DLGAP1: variants seen among roughly 807,000 people sequenced by gnomAD.
DLGAP1 encodes DLG associated protein 1.
A neutral mutation model predicts 90.8 loss-of-function variants in DLGAP1; 11 were observed. That is an observed-to-expected ratio of 0.12 (90% CI 0.08 to 0.20). The LOEUF (loss-of-function observed/expected upper bound fraction) is 0.20. Ranked by LOEUF, DLGAP1 falls within the 10% of genes least tolerant of loss-of-function variation. The pLI, the probability that DLGAP1 is intolerant of heterozygous loss-of-function variation, is 1.00. For synonymous variants in DLGAP1, 558 were observed against 540.7 expected (o/e 1.03, Z -0.44); for missense variants, 1,050 against 1,333.8 (o/e 0.79, Z 3.31).
intron 2 of DLGAP1, among the ~76,000 whole-genome samples, chr18:4,060,732 A>G (rs985568342): frequency 3.3e-5 from 5 of 152,234 alleles, no homozygotes; most frequent in African/African-American, 4.8e-5. Flanking sequence ...CTCGTAAGGA[A>G]GATTATAAAT....
intron 2 of DLGAP1, among the ~76,000 whole-genome samples, chr18:4,032,456 A>G (rs1311730745): frequency 2.0e-5 from 3 of 152,230 alleles, no homozygotes; most frequent in African/African-American, 7.2e-5. Context: ...GAAAAATAAG[A>G]AAACAAGACA....
At chr18:3,882,478 G>A (rs1329625656) in intron 3 of DLGAP1, among the ~76,000 whole-genome samples, 1 of 147,810 alleles carries the variant, frequency 6.8e-6, no homozygotes, top group South Asian at 2.1e-4. Context: ...AATGAGTTGT[G>A]AATGCACCGC....
intron 2 of DLGAP1, among the ~76,000 whole-genome samples, chr18:4,098,125 G>A (rs1390910456): frequency 6.6e-6 from 1 of 152,126 alleles, no homozygotes; most frequent in Non-Finnish European, 1.5e-5. Context: ...TGTTGCCTAG[G>A]CTGGTCTCCA....
chr18:3,753,071 G>C (rs1456273779), intron 5 of DLGAP1, among the ~76,000 whole-genome samples: 2 of 152,152 alleles, frequency 1.3e-5, no homozygotes, highest in African/African-American at 4.8e-5. Context: ...CTTTACATAA[G>C]GGGGTGGGAC....
rs1165541629 is a variant in DLGAP1 at position 4,342,743 on chromosome 18, T to A, written c.-267+112263A>T. Among the ~76,000 whole-genome samples, 2 of 152,130 alleles carry A rather than the reference T, an allele frequency of 1.3e-5. No homozygotes were observed. Among genetic ancestry groups the A allele is most frequent in the African/African-American group, 4.8e-5 (2 of 41,434 alleles). On this transcript the variant is annotated intron_variant, in intron 1 of 12. Coordinates refer to ENST00000315677, the MANE Select transcript of DLGAP1 (RefSeq NM_004746.4). This position sits in a 1 kb window ranked among gnomAD's most constrained non-coding sequence, Gnocchi z 5.8. The stretch of plus-strand genomic sequence containing the variant: ...TTCTTATACCTGCTTGCTTACACAA[T>A]TAAGTTATTTTAAAAGACACTGGAA...
At chr18:4,240,801 C>A (rs765262996) in intron 1 of DLGAP1, among the ~76,000 whole-genome samples, 1 of 152,114 alleles carries the variant, frequency 6.6e-6, no homozygotes, top group Non-Finnish European at 1.5e-5. Flanking sequence ...AAATCTCTTC[C>A]AATGCATGCT....
chr18:4,414,448 G>A (rs202083884), intron 1 of DLGAP1, among the ~76,000 whole-genome samples: 3 of 152,128 alleles, frequency 2.0e-5, no homozygotes, highest in South Asian at 4.1e-4. Flanking sequence ...TAAGGGCTGC[G>A]CATGCTGGTT....
chr18:3,882,179 G>A (rs2071189426), intron 3 of DLGAP1, among the ~76,000 whole-genome samples: 1 of 152,074 alleles, frequency 6.6e-6, no homozygotes, highest in Admixed American at 6.5e-5. Flanking sequence ...AACAAGTTAA[G>A]CTTGACTAGG....
intron 7 of DLGAP1, among the ~76,000 whole-genome samples, chr18:3,613,420 C>A (rs1217214265): frequency 6.6e-6 from 1 of 152,202 alleles, no homozygotes; most frequent in East Asian, 1.9e-4. Context: ...CAGCTTCAAC[C>A]TCCTGGGCTC....
intron 1 of DLGAP1, among the ~76,000 whole-genome samples, chr18:4,363,445 A>T (rs1015149726): frequency 6.6e-6 from 1 of 152,210 alleles, no homozygotes; most frequent in African/African-American, 2.4e-5. Context: ...AGCTGTCCTA[A>T]CACAGTGAGT....
Position 3,742,713 on chromosome 18 carries a change from C to T in DLGAP1, c.1173-201G>A, listed in dbSNP as rs11873533. On this transcript the variant is annotated intron_variant, in intron 5 of 12. Coordinates refer to ENST00000315677, the MANE Select transcript of DLGAP1 (RefSeq NM_004746.4). ...GAAATCATCAAGATCTGATGACATT[C>T]GAGAGCAATTAACATTCTCTTCAAC... is the stretch of plus-strand genomic sequence containing the variant. Among the ~76,000 whole-genome samples the T allele has an allele frequency of 5.3e-4, 81 of 152,082 alleles. 1 individual carries two copies. The East Asian group carries it at 0.012, about 22-fold the overall frequency.
At chr18:4,343,167 C>T (rs755109564) in intron 1 of DLGAP1, among the ~76,000 whole-genome samples, 5 of 151,924 alleles carry the variant, frequency 3.3e-5, no homozygotes, top group South Asian at 4.2e-4. Flanking sequence ...ATTAGCCGGG[C>T]GTGGTGGCAG....
intron 1 of DLGAP1, among the ~76,000 whole-genome samples, chr18:4,163,589 A>C (rs2144526435): frequency 6.6e-6 from 1 of 152,302 alleles, no homozygotes; most frequent in Admixed American, 6.5e-5. Flanking sequence ...TCCCACTGCC[A>C]ATGTCATCAC....
At chr18:4,404,330 T>C (rs2082618901) in intron 1 of DLGAP1, among the ~76,000 whole-genome samples, 1 of 152,238 alleles carries the variant, frequency 6.6e-6, no homozygotes, top group South Asian at 2.1e-4. Context: ...TTTGATTTTT[T>C]TCCTGTGAAG....
At chr18:4,221,165 C>G (rs1238032707) in intron 1 of DLGAP1, among the ~76,000 whole-genome samples, 1 of 152,118 alleles carries the variant, frequency 6.6e-6, no homozygotes, top group Non-Finnish European at 1.5e-5. Context: ...AAGACTGTAA[C>G]TTGAATCCTA....
chr18:3,539,811 G>T (rs1443436655), intron 9 of DLGAP1, among the ~76,000 whole-genome samples: 1 of 152,222 alleles, frequency 6.6e-6, no homozygotes, highest in African/African-American at 2.4e-5. Flanking sequence ...CTCAAGTCAT[G>T]AACTTATTTT....
chr18:4,167,727 A>T (rs958162643), intron 1 of DLGAP1, among the ~76,000 whole-genome samples: 1 of 152,226 alleles, frequency 6.6e-6, no homozygotes, highest in East Asian at 1.9e-4. Context: ...ATAGCAGAGT[A>T]CATAAGTGAT....
intron 1 of DLGAP1, among the ~76,000 whole-genome samples, chr18:4,197,510 G>A (rs1169733723): frequency 6.6e-6 from 1 of 152,160 alleles, no homozygotes; most frequent in African/African-American, 2.4e-5. Context: ...TAACAATGGT[G>A]GCATTGTGAA....
At chr18:3,671,403 G>C (rs191229285) in intron 7 of DLGAP1, among the ~76,000 whole-genome samples, 16 of 152,258 alleles carry the variant, frequency 1.1e-4, no homozygotes, top group Non-Finnish European at 1.6e-4. Context: ...GCAGAGGCTG[G>C]GTCAGTGTTA....
Sources: allele counts gnomAD v4.1 joint callset (sites outside exome capture counted in the v4.1 genomes callset), GRCh38; gene constraint gnomAD v4.1.1; non-coding constraint Gnocchi (gnomAD v3.1); transcripts MANE v1.5; gene names NCBI Gene and HGNC (gene_info 2026-07-23, HGNC 2026-07-21).